The following C12orf76 variants were observed in gnomAD, a reference collection of about 807,000 sequenced individuals.
C12orf76 encodes the protein chromosome 12 open reading frame 76, also known as uncharacterized protein C12orf76.
In C12orf76, 6 loss-of-function variants were observed where a neutral mutation model predicts 6.8. That is an observed-to-expected ratio of 0.88 (90% CI 0.48 to 1.73). The LOEUF (loss-of-function observed/expected upper bound fraction) is 1.73. Ranked by LOEUF, C12orf76 falls within the 40% of genes most tolerant of loss-of-function variation. The probability of loss-of-function intolerance (pLI) is 0.01; values close to 1 mark genes in which losing one functional copy is unlikely to be tolerated. For missense variants in C12orf76, 99 were observed against 98.2 expected, an observed-to-expected ratio of 1.01 and a Z score of -0.03; for synonymous variants, 56 against 43.7, an observed-to-expected ratio of 1.28 and a Z score of -1.11.
chr12:110,044,914 G>A (rs748882387), intron 1 of C12orf76, among the ~76,000 whole-genome samples: 10 of 151,140 alleles, frequency 6.6e-5, no homozygotes, highest in South Asian at 2.1e-4. Context: ...CGGAGGTTGC[G>A]GTGAGCCAAG....
upstream of C12orf76, among the ~76,000 whole-genome samples, chr12:110,052,331 A>G (rs1355087424): frequency 6.6e-6 from 1 of 151,928 alleles, no homozygotes; most frequent in Non-Finnish European, 1.5e-5. Context: ...AGTAGCTGGA[A>G]CTACAGGTGT....
At chr12:110,046,785 G>A (rs570870565) in intron 1 of C12orf76, among the ~76,000 whole-genome samples, 16 of 152,260 alleles carry the variant, frequency 1.1e-4, no homozygotes, top group Admixed American at 2.6e-4. Context: ...GGGATTTGGC[G>A]TACCGTGGAC....
rs190747347 is a variant in C12orf76, at chr12:110,065,305, G to A, written n.380+555C>T. Among the ~76,000 whole-genome samples, 273 of 151,856 alleles carry A rather than the reference G, an allele frequency of 1.8e-3. 1 individual carries two copies. The highest frequency in any genetic ancestry group is 2.9e-3 in the South Asian group (14 of 4,810). On this transcript the variant is annotated intron_variant and non_coding_transcript_variant, in intron 2 of 4. Transcript: ENST00000309050. ...TGTGCCTCAGCCTCCCGAGTAGCTG[G>A]GATTACAGGCACCTGCCACCACGCC...
At position 110,042,461 on chromosome 12, in the gene C12orf76, T is replaced by C. The variant is rs140080646; in HGVS notation, c.134-2A>G. 9 of 1,603,216 alleles carry C rather than the reference T, an allele frequency of 5.6e-6. No individual in the cohort carries two copies. The South Asian group carries it at 8.8e-5, about 16-fold the overall frequency. ...TGCTGAAAATGGTTCCCATCAACACTGCAAAGGGAAAACAGGTTACTTCCT... is the reference window on the plus strand; with the variant it reads ...TGCTGAAAATGGTTCCCATCAACACCGCAAAGGGAAAACAGGTTACTTCCT... On this transcript the variant is annotated splice_acceptor_variant, in intron 1 of 1. Coordinates refer to ENST00000615315, the MANE Select transcript of C12orf76 (RefSeq NM_001389625.1). LOFTEE classifies it high-confidence loss of function.
upstream of C12orf76, among the ~76,000 whole-genome samples, chr12:110,053,328 A>G (rs1045257939): frequency 9.2e-5 from 14 of 151,834 alleles, no homozygotes; most frequent in African/African-American, 3.1e-4. Context: ...GTGAAACTCC[A>G]TCTCTACTAA....
intron 1 of C12orf76, among the ~76,000 whole-genome samples, chr12:110,066,404 A>G (rs12812059): frequency 8.8e-6 from 1 of 113,196 alleles, no homozygotes. Context: ...AAAAAAAAAA[A>G]CGGCTGGGCG....
chr12:110,046,470 G>A (rs1292548830), intron 1 of C12orf76, among the ~76,000 whole-genome samples: 1 of 152,174 alleles, frequency 6.6e-6, no homozygotes, highest in Non-Finnish European at 1.5e-5. Context: ...GTCTAGGACA[G>A]CATTTCTCAA....
At chr12:110,068,259 GAAGAAGAAGAAGAAGAAGAAGAAGAA>G (rs1892906065), upstream of C12orf76, among the ~76,000 whole-genome samples, 1 of 86,284 alleles carries the variant, frequency 1.2e-5, no homozygotes. Flanking sequence ...AGAAGAAGAA[GAAGAAGAAGAAGAAGAAGAAGAAGAA>G]GAAGAAGAAG....
At chr12:110,044,713 C>G (rs1478136640) in intron 1 of C12orf76, among the ~76,000 whole-genome samples, 2 of 152,054 alleles carry the variant, frequency 1.3e-5, no homozygotes, top group Admixed American at 1.3e-4. Context: ...GTGGCTCACG[C>G]CTGTAATCCC....
intron 3 of C12orf76, among the ~76,000 whole-genome samples, chr12:110,058,121 CATT>C (rs1892705298): frequency 6.9e-6 from 1 of 145,634 alleles, no homozygotes. Context: ...CTCAGGCAAT[CATT>C]GTTGAAACTT....
chr12:110,065,802 C>T (rs1476208941), intron 2 of C12orf76: 1 of 1,613,930 alleles, frequency 6.2e-7, no homozygotes, highest in Non-Finnish European at 8.5e-7. Flanking sequence ...CACTGAAAAT[C>T]AAATTCCAAC....
upstream of C12orf76, among the ~76,000 whole-genome samples, chr12:110,071,391 A>C (rs1476148725): frequency 1.3e-5 from 2 of 152,176 alleles, no homozygotes; most frequent in Non-Finnish European, 2.9e-5. Context: ...AAATACATAC[A>C]TGTATTTTGT....
At chr12:110,067,214 G>C (rs1374797647) in intron 1 of C12orf76, among the ~76,000 whole-genome samples, 1 of 152,198 alleles carries the variant, frequency 6.6e-6, no homozygotes, top group Non-Finnish European at 1.5e-5. Flanking sequence ...AAGCGGCTTG[G>C]TTTAAGCAAT....
chr12:110,043,213 C>T (rs879875692), intron 1 of C12orf76, among the ~76,000 whole-genome samples: 7 of 152,008 alleles, frequency 4.6e-5, no homozygotes, highest in Non-Finnish European at 1.0e-4. Flanking sequence ...GGCAACCAGG[C>T]AAGGAGTGCA....
At chr12:110,068,251 A>G (rs1393141772), upstream of C12orf76, among the ~76,000 whole-genome samples, 1 of 25,594 alleles carries the variant, frequency 3.9e-5, no homozygotes, top group Non-Finnish European at 7.9e-5. Context: ...AAGAAGAAAG[A>G]AGAAGAAGAA....
upstream of C12orf76, among the ~76,000 whole-genome samples, chr12:110,069,214 G>A (rs1892931134): frequency 6.6e-6 from 1 of 152,148 alleles, no homozygotes; most frequent in African/African-American, 2.4e-5. Flanking sequence ...GCCAAGGCGG[G>A]CGGATCACGA....
chr12:110,051,369 T>C (rs1892572647), upstream of C12orf76: 1 of 663,810 alleles, frequency 1.5e-6, no homozygotes. Context: ...GTCTGCAAAC[T>C]CCTTTGCCCA....
upstream of C12orf76, among the ~76,000 whole-genome samples, chr12:110,067,902 T>G (rs1205632931): frequency 6.6e-6 from 1 of 152,024 alleles, no homozygotes; most frequent in East Asian, 1.9e-4. Context: ...TCATGCTACA[T>G]AGAGAGCTGT....
intron 4 of C12orf76, chr12:110,056,921 T>C: frequency 2.6e-6 from 1 of 384,396 alleles, no homozygotes; most frequent in East Asian, 4.7e-5. Context: ...ACCTCTTTTC[T>C]TTGTAAATTA....
Sources: allele counts gnomAD v4.1 joint callset (sites outside exome capture counted in the v4.1 genomes callset), GRCh38; gene constraint gnomAD v4.1.1; transcripts MANE v1.5; gene names NCBI Gene and HGNC (gene_info 2026-07-23, HGNC 2026-07-21).